Variants in FAM234B observed in about 807,000 individuals in gnomAD.
FAM234B encodes the protein family with sequence similarity 234 member B.
FAM234B carries 33 observed loss-of-function variants against 69.3 expected under a neutral mutation model. The observed-to-expected ratio is 0.48, with a 90% CI of 0.36 to 0.64. The LOEUF (loss-of-function observed/expected upper bound fraction) is 0.64. Ranked by LOEUF, FAM234B falls within the 30% of genes least tolerant of loss-of-function variation. The pLI, the probability that FAM234B is intolerant of heterozygous loss-of-function variation, is 0.00. For missense variants in FAM234B, 697 were observed against 769.7 expected, an observed-to-expected ratio of 0.91 and a Z score of 1.12; for synonymous variants, 306 against 306.9, an observed-to-expected ratio of 1.00 and a Z score of 0.03.
chr12:13,052,849 TA>T (rs1864889498), intron 1 of FAM234B, among the ~76,000 whole-genome samples: 1 of 152,176 alleles, frequency 6.6e-6, no homozygotes, highest in Non-Finnish European at 1.5e-5. Context: ...GTATTTTAGC[TA>T]AAAAACAAAA....
chr12:13,073,394 T>C (rs1158429491), intron 10 of FAM234B, among the ~76,000 whole-genome samples: 1 of 152,238 alleles, frequency 6.6e-6, no homozygotes, highest in African/African-American at 2.4e-5. Flanking sequence ...TTTTGTTTTA[T>C]AATTGATGAT....
At chr12:13,057,174 T>A (rs2120461031) in intron 2 of FAM234B, among the ~76,000 whole-genome samples, 1 of 152,150 alleles carries the variant, frequency 6.6e-6, no homozygotes, top group East Asian at 1.9e-4. Flanking sequence ...GACGGGGTTT[T>A]GCCATTTTGG....
Position 13,071,337 on chromosome 12 carries a change from G to C in FAM234B, c.1465G>C (p.Asp489His). 2 of 1,614,176 alleles carry C rather than the reference G, an allele frequency of 1.2e-6. No homozygotes were observed. Among genetic ancestry groups the C allele is most frequent in the Non-Finnish European group, 1.7e-6 (2 of 1,180,034 alleles). Residue 489 changes from aspartate to histidine, a missense_variant, in exon 10 of 13, where the codon GAC becomes CAC. This residue lies in a region of FAM234B where 313 missense variants were observed against 305.5 expected (regional missense o/e 1.02). Coordinates refer to ENST00000197268, the MANE Select transcript of FAM234B (RefSeq NM_020853.2). ...GCCAGCCACCTCAGCAGTTACTTCA[G>C]ACCAGAAGTCTGTCTTCCTCTTCTG... ...ETPATSAVTSDQKSVFLFWAE... is the reference protein window; with the variant it reads ...ETPATSAVTSHQKSVFLFWAE...
intron 11 of FAM234B, 104 bp downstream of exon 11, chr12:13,076,247 T>C (rs1373984807): frequency 2.1e-5 from 19 of 884,114 alleles, no homozygotes; most frequent in Admixed American, 3.9e-5. Context: ...GGATGTGTGC[T>C]TCTCAGACGA....
At chr12:13,069,929 A>T (rs980201920) in intron 9 of FAM234B, among the ~76,000 whole-genome samples, 2 of 152,102 alleles carry the variant, frequency 1.3e-5, no homozygotes, top group African/African-American at 4.8e-5. Flanking sequence ...TTTCTGATAC[A>T]CTGGTGCTGG....
intron 1 of FAM234B, among the ~76,000 whole-genome samples, chr12:13,049,742 G>C (rs138247362): frequency 6.6e-6 from 1 of 152,304 alleles, no homozygotes; most frequent in East Asian, 1.9e-4. Flanking sequence ...ACTCCATGGG[G>C]AAGTATATGT....
At chr12:13,052,610 G>C (rs1367125548) in intron 1 of FAM234B, among the ~76,000 whole-genome samples, 1 of 151,994 alleles carries the variant, frequency 6.6e-6, no homozygotes, top group African/African-American at 2.4e-5. Flanking sequence ...TCTACCTCCA[G>C]ACCTAGGCAA....
At position 13,044,559 on chromosome 12, in the gene FAM234B, C is replaced by T. The variant is rs968531369; in HGVS notation, c.37+119C>T. ...CTCAACCCAGACTCAGCTGCAGGCG[C>T]CCGGTGCCGAGGAGGGTGCAGTCCC... is the stretch of plus-strand genomic sequence containing the variant. On this transcript the variant is annotated intron_variant, in intron 1 of 12. Coordinates refer to ENST00000197268, the MANE Select transcript of FAM234B (RefSeq NM_020853.2). This position sits in a 1 kb window ranked among gnomAD's most constrained non-coding sequence, Gnocchi z 5.6. The T allele has an allele frequency of 8.9e-7, 1 of 1,127,562 alleles. No individual in the cohort carries two copies. Among genetic ancestry groups the T allele is most frequent in the Non-Finnish European group, 1.3e-6 (1 of 778,810 alleles). The allele number at this position is 1,127,562 out of a possible 1,614,324, so 69.8% of individuals were successfully genotyped here. A position where few individuals can be genotyped will look rare whatever the true frequency, so the allele number is the denominator to read the frequency against.
At chr12:13,073,926 A>G (rs1282829186) in intron 10 of FAM234B, among the ~76,000 whole-genome samples, 1 of 152,220 alleles carries the variant, frequency 6.6e-6, no homozygotes, top group Non-Finnish European at 1.5e-5. Flanking sequence ...ATCCGCGTCT[A>G]AGCTGCTGAT....
intron 2 of FAM234B, among the ~76,000 whole-genome samples, chr12:13,058,201 A>G (rs1389341439): frequency 6.6e-6 from 1 of 152,108 alleles, no homozygotes; most frequent in East Asian, 1.9e-4. Context: ...TCACCTTGTC[A>G]TTCCTTGGGT....
intron 5 of FAM234B, among the ~76,000 whole-genome samples, chr12:13,063,475 A>G (rs1419125627): frequency 6.6e-6 from 1 of 152,244 alleles, no homozygotes; most frequent in African/African-American, 2.4e-5. Context: ...GCTGATACAA[A>G]GTTCATAAAA....
At position 13,078,210 on chromosome 12, in the gene FAM234B, T is replaced by G. The variant is rs11055230; in HGVS notation, c.1643-1579T>G. Among the ~76,000 whole-genome samples the G allele has an allele frequency of 0.025, 3,736 of 151,712 alleles. 222 individuals carry two copies. In the East Asian group the frequency reaches 0.25, roughly 10 times the overall value. On this transcript the variant is annotated intron_variant, in intron 11 of 12. Coordinates refer to ENST00000197268, the MANE Select transcript of FAM234B (RefSeq NM_020853.2). The stretch of plus-strand genomic sequence containing the variant: ...GTAGGTTGCGAAAATTTTCTCCCAT[T>G]TTGTAGGTTGCCTGTTCACTCTGAT...
rs199800085 is a variant in FAM234B, at chr12:13,079,825, T to C, written c.1679T>C (p.Val560Ala). ...GACCTCTGGAAAGATGCCTTTTATG[T>C]TACCAGGACAACAGGGCCAAGCTCC... ...INDLWKDAFY[V>A]TRTTGPSSEG... The change falls in exon 12 of 13, where the codon GTT becomes GCT. Residue 560 changes from valine (V) to alanine (A), a missense_variant. Coordinates refer to ENST00000197268, the MANE Select transcript of FAM234B (RefSeq NM_020853.2). The C allele has an allele frequency of 6.2e-7, 1 of 1,614,112 alleles. No homozygotes were observed. The highest frequency in any genetic ancestry group is 8.5e-7 in the Non-Finnish European group (1 of 1,179,966).
At position 13,080,741 on chromosome 12, in the gene FAM234B, C is replaced by T. The variant is rs1311753163; in HGVS notation, c.*111C>T. 4.4e-6 allele frequency: 4 copies of T among 910,742 alleles called. No homozygotes were observed. Among genetic ancestry groups the T allele is most frequent in the African/African-American group, 3.3e-5 (2 of 59,774 alleles). The allele number at this position is 910,742 out of a possible 1,614,324, so 56.4% of individuals were successfully genotyped here. On this transcript the variant is annotated 3_prime_UTR_variant, in exon 13 of 13. Transcript: ENST00000197268. ...GAGAAGACTTCTTCGTCCTCATTTA[C>T]CACCTCCCTGATGGTTGCAAAGGCT...
At chr12:13,052,131 A>C (rs988196823) in intron 1 of FAM234B, among the ~76,000 whole-genome samples, 4 of 152,324 alleles carry the variant, frequency 2.6e-5, no homozygotes, top group African/African-American at 9.6e-5. Context: ...AAGGACTTAC[A>C]TGTGAGAGAG....
intron 9 of FAM234B, 109 bp downstream of exon 9, chr12:13,068,820 T>G: frequency 4.3e-6 from 3 of 691,774 alleles, no homozygotes; most frequent in Non-Finnish European, 7.4e-6. Context: ...ATATGATCTC[T>G]AACTTCAAAG....
chr12:13,067,363 A>C lies in FAM234B; in HGVS notation c.1142+67A>C. On this transcript the variant is annotated intron_variant, in intron 7 of 12. Transcript: ENST00000197268. The surrounding 1 kb of genome is among the most constrained non-coding windows in gnomAD (Gnocchi z 4.7). ...TGAACTCACATGCCTTTGAGTCTCTAAGTTTGGTTGGGCTGGTGAATATGT... is the reference window on the plus strand; with the variant it reads ...TGAACTCACATGCCTTTGAGTCTCTCAGTTTGGTTGGGCTGGTGAATATGT... 6.3e-7 allele frequency: 1 copy of C among 1,575,176 alleles called. No homozygotes were observed. The highest frequency in any genetic ancestry group is 8.7e-7 in the Non-Finnish European group (1 of 1,148,166).
chr12:13,060,770 C>T (rs1227431009), intron 3 of FAM234B, among the ~76,000 whole-genome samples: 1 of 152,104 alleles, frequency 6.6e-6, no homozygotes, highest in African/African-American at 2.4e-5. Context: ...GTCACGTGTC[C>T]CTATCCTGAG....
At chr12:13,060,187 C>A (rs1864970235) in intron 3 of FAM234B, among the ~76,000 whole-genome samples, 1 of 152,178 alleles carries the variant, frequency 6.6e-6, no homozygotes, top group African/African-American at 2.4e-5. Flanking sequence ...GATTCGGATC[C>A]AAGGAGTCTG....
Sources: allele counts gnomAD v4.1 joint callset (sites outside exome capture counted in the v4.1 genomes callset), GRCh38; gene constraint gnomAD v4.1.1; regional missense constraint gnomAD v4.1.1; non-coding constraint Gnocchi (gnomAD v3.1); transcripts MANE v1.5; gene names NCBI Gene and HGNC (gene_info 2026-07-23, HGNC 2026-07-21).